The following DIP2C variants were observed in gnomAD, a reference collection of about 807,000 sequenced individuals.
DIP2C encodes the protein disco-interacting protein 2 homolog C.
A neutral mutation model predicts 192.4 loss-of-function variants in DIP2C; 33 were observed. That is an observed-to-expected ratio of 0.17 (90% CI 0.13 to 0.23). The LOEUF is 0.23. DIP2C is among the 10% of genes least tolerant of loss of function. The pLI is 1.00. For synonymous variants in DIP2C, 979 were observed against 864.1 expected (o/e 1.13, Z -2.33); for missense variants, 1,537 against 2,110.1 (o/e 0.73, Z 5.32).
chr10:535,101 C>T (rs575376958), intron 1 of DIP2C, among the ~76,000 whole-genome samples: 25 of 152,260 alleles, frequency 1.6e-4, no homozygotes, highest in Middle Eastern at 3.4e-3. Flanking sequence ...ACAGAAGGAA[C>T]CTTCAGCACC....
chr10:326,319 G>A (rs1280422792), intron 31 of DIP2C, among the ~76,000 whole-genome samples: 1 of 152,170 alleles, frequency 6.6e-6, no homozygotes, highest in Admixed American at 6.5e-5. Flanking sequence ...CGTGAAAAGG[G>A]CAGAGGGAGC....
chr10:580,385 T>C (rs1429477911), intron 1 of DIP2C, among the ~76,000 whole-genome samples: 1 of 152,136 alleles, frequency 6.6e-6, no homozygotes, highest in Non-Finnish European at 1.5e-5. Flanking sequence ...TATATATAAG[T>C]ACACAAATGT....
chr10:333,108 G>A (rs755199134), intron 29 of DIP2C, among the ~76,000 whole-genome samples: 2 of 152,086 alleles, frequency 1.3e-5, no homozygotes, highest in Non-Finnish European at 2.9e-5. Flanking sequence ...TCATCATGTT[G>A]GCCAGGCTGG....
intron 3 of DIP2C, among the ~76,000 whole-genome samples, chr10:469,033 C>CA (rs954105068): frequency 2.0e-5 from 3 of 151,754 alleles, no homozygotes; most frequent in Non-Finnish European, 2.9e-5. Context: ...ACCTTGGTGT[C>CA]ACCCTGGGTG....
chr10:419,930 T>A (rs1260725130), intron 5 of DIP2C, among the ~76,000 whole-genome samples: 1 of 152,170 alleles, frequency 6.6e-6, no homozygotes, highest in East Asian at 1.9e-4. Context: ...GGGAAAAGCA[T>A]GCTTTTCTAT....
chr10:418,538 C>A (rs1965959419), intron 6 of DIP2C, among the ~76,000 whole-genome samples: 1 of 152,178 alleles, frequency 6.6e-6, no homozygotes, highest in African/African-American at 2.4e-5. Context: ...TCAGAATATA[C>A]CAAGACTGGG....
At chr10:629,984 CCA>C (rs1397545239) in intron 1 of DIP2C, 6 of 152,258 alleles carry the variant, frequency 3.9e-5, no homozygotes, top group Non-Finnish European at 8.8e-5. Context: ...GGCCTATTCC[CCA>C]CAGTGTCCCC....
chr10:518,407 C>T lies in DIP2C; in HGVS notation c.86-31877G>A, dbSNP rs1846498492. Among the ~76,000 whole-genome samples, 3 of 152,258 alleles carry T rather than the reference C, an allele frequency of 2.0e-5. No individual in the cohort carries two copies. In the South Asian group the frequency reaches 6.2e-4, roughly 32 times the overall value. On this transcript the variant is annotated intron_variant, in intron 1 of 36. Transcript: ENST00000280886. Reference sequence around the variant, plus strand: ...ATGTGTACGCACTTGCAGCTCTGACCTTGCTCAGTGTCCACACAGGCTTTC... The same window carrying T: ...ATGTGTACGCACTTGCAGCTCTGACTTTGCTCAGTGTCCACACAGGCTTTC...
At chr10:611,274 G>C (rs1312276387) in intron 1 of DIP2C, among the ~76,000 whole-genome samples, 4 of 152,140 alleles carry the variant, frequency 2.6e-5, no homozygotes, top group Non-Finnish European at 5.9e-5. Flanking sequence ...AGTTTCCCCA[G>C]ATGTAGAAGC....
At chr10:580,593 C>T (rs961971909) in intron 1 of DIP2C, among the ~76,000 whole-genome samples, 2 of 152,184 alleles carry the variant, frequency 1.3e-5, no homozygotes, top group African/African-American at 2.4e-5. Flanking sequence ...CATACCTATA[C>T]ATTGTAAATA....
chr10:405,379 G>A (rs544887361), intron 9 of DIP2C, among the ~76,000 whole-genome samples: 87 of 152,076 alleles, frequency 5.7e-4, no homozygotes, highest in Admixed American at 1.1e-3. Flanking sequence ...ACTGAAATGT[G>A]GTATAACAAA....
At position 413,963 on chromosome 10, in the gene DIP2C, C is replaced by A. The variant is rs1228097559; in HGVS notation, c.1007G>T (p.Cys336Phe). 6 of 1,614,200 alleles carry A rather than the reference C, an allele frequency of 3.7e-6. No individual in the cohort carries two copies. The highest frequency in any genetic ancestry group is 2.2e-5 in the East Asian group (1 of 44,868). ...CCCGTTGGTGTCCATGGTGGTCAGG[C>A]AGGGCGCCTTGGGCGAGATGGTGCC... The part of the protein sequence containing the change: ...RWGTISPKAP[C>F]LTTMDTNGKP... The change falls in exon 8 of 37, where the codon TGC (cysteine) becomes TTC (phenylalanine). Residue 336 changes from cysteine (C) to phenylalanine (F), a missense_variant. By Grantham distance (205) the Cys-to-Phe change is radical. Around this residue, in one of 4 missense-constraint regions of DIP2C, gnomAD observed 473 missense variants for 539.6 expected, o/e 0.88. Transcript: ENST00000280886.
At chr10:466,806 A>C (rs1277334347) in intron 3 of DIP2C, among the ~76,000 whole-genome samples, 1 of 142,248 alleles carries the variant, frequency 7.0e-6, no homozygotes, top group Non-Finnish European at 1.6e-5. Context: ...TGGCCGTCAG[A>C]GAAATGCAAA....
chr10:341,729 G>A (rs1958157755), intron 28 of DIP2C, among the ~76,000 whole-genome samples: 1 of 152,198 alleles, frequency 6.6e-6, no homozygotes, highest in African/African-American at 2.4e-5. Context: ...TGAAATGTAT[G>A]CTGGCCTGGT....
chr10:515,797 C>T lies in DIP2C; in HGVS notation c.86-29267G>A, dbSNP rs58261865. The stretch of plus-strand genomic sequence containing the variant: ...ACCGCCCCCACCCAACCCAAGCAAT[C>T]ACACGGCAATGGTTATCACCTGATT... On this transcript the variant is annotated intron_variant, in intron 1 of 36. Coordinates refer to ENST00000280886, the MANE Select transcript of DIP2C (RefSeq NM_014974.3). Among the ~76,000 whole-genome samples the T allele has an allele frequency of 5.5e-3, 840 of 152,220 alleles. 7 individuals carry two copies. The highest frequency in any genetic ancestry group is 0.019 in the African/African-American group (798 of 41,538).
chr10:353,951 G>A (rs1279058652), intron 24 of DIP2C, among the ~76,000 whole-genome samples: 3 of 152,250 alleles, frequency 2.0e-5, no homozygotes, highest in Non-Finnish European at 4.4e-5. Flanking sequence ...GCTGATTTAG[G>A]TGGGGAAAGA....
chr10:491,710 T>C (rs892199906), intron 1 of DIP2C, among the ~76,000 whole-genome samples: 4 of 152,212 alleles, frequency 2.6e-5, no homozygotes, highest in Non-Finnish European at 5.9e-5. Context: ...ACACACAGGA[T>C]GTGAAGGTCT....
chr10:460,921 C>G (rs1969722445), intron 3 of DIP2C, among the ~76,000 whole-genome samples: 1 of 152,148 alleles, frequency 6.6e-6, no homozygotes, highest in Non-Finnish European at 1.5e-5. Flanking sequence ...AAAGAATTTT[C>G]AACCCAGAAT....
intron 32 of DIP2C, among the ~76,000 whole-genome samples, chr10:304,901 A>G (rs1038464763): frequency 1.3e-5 from 2 of 152,108 alleles, no homozygotes; most frequent in Non-Finnish European, 2.9e-5. Flanking sequence ...TCATACTTGC[A>G]TGTACTCGTG....
Sources: allele counts gnomAD v4.1 joint callset (sites outside exome capture counted in the v4.1 genomes callset), GRCh38; gene constraint gnomAD v4.1.1; regional missense constraint gnomAD v4.1.1; transcripts MANE v1.5; gene names NCBI Gene and HGNC (gene_info 2026-07-23, HGNC 2026-07-21).